The following AUTS2 variants were observed in gnomAD, a reference collection of about 807,000 sequenced individuals.
AUTS2 encodes activator of transcription and developmental regulator AUTS2.
A neutral mutation model predicts 112.4 loss-of-function variants in AUTS2; 17 were observed. That is an observed-to-expected ratio of 0.15 (90% CI 0.10 to 0.23). AUTS2 has a LOEUF of 0.23. Among genes scored for constraint, AUTS2 ranks in the 10% least tolerant of loss-of-function variants. The pLI is 1.00. For missense variants in AUTS2, 1,510 were observed against 1,701.6 expected, an observed-to-expected ratio of 0.89 and a Z score of 1.98; for synonymous variants, 751 against 702.7, an observed-to-expected ratio of 1.07 and a Z score of -1.09.
intron 2 of AUTS2, among the ~76,000 whole-genome samples, chr7:70,111,047 T>C (rs2129571370): frequency 6.6e-6 from 1 of 151,766 alleles, no homozygotes; most frequent in South Asian, 2.1e-4. Flanking sequence ...GCAATTTTTT[T>C]TTTTTGTATT....
chr7:69,965,164 A>G (rs770470968), intron 2 of AUTS2, among the ~76,000 whole-genome samples: 20 of 152,094 alleles, frequency 1.3e-4, no homozygotes, highest in Admixed American at 2.6e-4. Flanking sequence ...TGCTTTTTCT[A>G]TCCTTTTGGT....
rs934263703 is a variant in AUTS2 at position 69,750,203 on chromosome 7, T to C, written c.310-149083T>C. Among the ~76,000 whole-genome samples, 6 of 152,118 alleles carry C rather than the reference T, an allele frequency of 3.9e-5. No individual in the cohort carries two copies. The East Asian group carries it at 1.2e-3, about 29-fold the overall frequency. On this transcript the variant is annotated intron_variant, in intron 1 of 18. Transcript: ENST00000342771. ...GTTTCTGTCAGTGTGGTAGGTTGTG[T>C]ATTAGGAACTGGAAAAAGGCAAAAG...
At chr7:69,887,705 T>A (rs970115857) in intron 1 of AUTS2, among the ~76,000 whole-genome samples, 1 of 152,212 alleles carries the variant, frequency 6.6e-6, no homozygotes, top group Admixed American at 6.5e-5. Context: ...TCTGAATAGA[T>A]TTTCACTGGC....
In AUTS2 at chr7:69,778,240, ATATATATT is replaced by A. The variant is rs746402980; in HGVS notation, c.310-121044_310-121037del. Among the ~76,000 whole-genome samples the A allele has an allele frequency of 2.1e-4, 16 of 75,222 alleles. 1 individual carries two copies. The highest frequency in any genetic ancestry group is 0.013 in the Middle Eastern group (2 of 158). The allele number at this position is 75,222 out of a possible 152,430, so 49.3% of individuals were successfully genotyped here. ...GGGCCTTATCCCCATATATATATAT[ATATATATT>A]TTTTTTTTTTTTTACTCATTTGGTC... On this transcript the variant is annotated intron_variant, in intron 1 of 18. Coordinates refer to ENST00000342771, the MANE Select transcript of AUTS2 (RefSeq NM_015570.4).
chr7:69,919,542 A>G (rs1040773833), intron 2 of AUTS2, among the ~76,000 whole-genome samples: 2 of 152,232 alleles, frequency 1.3e-5, no homozygotes, highest in Non-Finnish European at 2.9e-5. Context: ...TTTGTATTGC[A>G]CAGGCTGTAT....
chr7:70,444,373 T>TGTGTGTGTGTGAGAGAGA (rs372696006), intron 5 of AUTS2, among the ~76,000 whole-genome samples: 118 of 142,494 alleles, frequency 8.3e-4, no homozygotes, highest in African/African-American at 2.9e-3. Flanking sequence ...TGTGTGTGTG[T>TGTGTGTGTGTGAGAGAGA]GAGAGAGAGA....
At chr7:70,073,940 A>G (rs1802906468) in intron 2 of AUTS2, among the ~76,000 whole-genome samples, 1 of 152,226 alleles carries the variant, frequency 6.6e-6, no homozygotes, top group Admixed American at 6.5e-5. Flanking sequence ...GAATTAAAAT[A>G]CTTATCTGTG....
intron 1 of AUTS2, among the ~76,000 whole-genome samples, chr7:69,677,713 G>A (rs895961528): frequency 6.6e-6 from 1 of 152,084 alleles, no homozygotes; most frequent in Non-Finnish European, 1.5e-5. Flanking sequence ...TGGAGACATC[G>A]CTCACATTGT....
At chr7:69,688,377 T>A (rs1389965230) in intron 1 of AUTS2, among the ~76,000 whole-genome samples, 1 of 152,254 alleles carries the variant, frequency 6.6e-6, no homozygotes, top group African/African-American at 2.4e-5. Flanking sequence ...AGATTCACAT[T>A]TATGATCTAG....
chr7:69,900,850 A>T (rs1054578655), intron 2 of AUTS2, among the ~76,000 whole-genome samples: 7 of 152,214 alleles, frequency 4.6e-5, no homozygotes, highest in Non-Finnish European at 1.0e-4. Flanking sequence ...GCCAGACTGG[A>T]GTTATAATAG....
intron 1 of AUTS2, among the ~76,000 whole-genome samples, chr7:69,688,041 C>T (rs549958538): frequency 6.6e-6 from 1 of 152,334 alleles, no homozygotes; most frequent in East Asian, 1.9e-4. Flanking sequence ...TGTTATTTAG[C>T]TGATAGCCTG....
intron 6 of AUTS2, among the ~76,000 whole-genome samples, chr7:70,747,372 G>A (rs940215297): frequency 5.9e-5 from 9 of 152,196 alleles, no homozygotes; most frequent in African/African-American, 2.2e-4. Flanking sequence ...CTGTATCCAA[G>A]GACAGGTAAA....
At chr7:69,750,422 GTAT>G (rs551677589) in intron 1 of AUTS2, among the ~76,000 whole-genome samples, 72 of 148,400 alleles carry the variant, frequency 4.9e-4, no homozygotes, top group African/African-American at 1.7e-3. Flanking sequence ...ATTATTAGTA[GTAT>G]TATATTAGTA....
intron 2 of AUTS2, among the ~76,000 whole-genome samples, chr7:69,920,375 C>A (rs1392385075): frequency 6.6e-6 from 1 of 151,852 alleles, no homozygotes; most frequent in Non-Finnish European, 1.5e-5. Context: ...GCAGTCTGAA[C>A]CTCCTGGCTC....
intron 2 of AUTS2, among the ~76,000 whole-genome samples, chr7:69,945,475 C>CA (rs1327885269): frequency 1.3e-5 from 2 of 151,952 alleles, no homozygotes; most frequent in East Asian, 1.9e-4. Context: ...GTATAATTGG[C>CA]AAAAAAGTAC....
At chr7:70,639,795 G>A (rs1271629397) in intron 5 of AUTS2, among the ~76,000 whole-genome samples, 2 of 151,652 alleles carry the variant, frequency 1.3e-5, no homozygotes, top group Admixed American at 6.6e-5. Flanking sequence ...CTATAAGGCC[G>A]AGTTCAGCAC....
At chr7:70,573,089 T>G (rs752639333) in intron 5 of AUTS2, among the ~76,000 whole-genome samples, 4 of 88,760 alleles carry the variant, frequency 4.5e-5, no homozygotes, top group South Asian at 5.8e-4. Context: ...TCCTCAAAAT[T>G]TATTATCTGG....
In AUTS2 at chr7:70,763,368, G is replaced by A. The variant is rs753813284; in HGVS notation, c.1214+27G>A. On this transcript the variant is annotated intron_variant, in intron 7 of 18. Transcript: ENST00000342771. ...TGAGTGGCCTGCTCTTCTTTGGCCT[G>A]ACTTTTGCCCTCTCCCTGGGGATCA... 5.3e-6 allele frequency: 8 copies of A among 1,507,314 alleles called. No individual in the cohort carries two copies. In the East Asian group the frequency reaches 6.8e-5, roughly 13 times the overall value. 93.4% of individuals were successfully genotyped at this position (1,507,314 alleles called of 1,614,324 possible).
At chr7:70,222,486 A>T (rs1811537509) in intron 4 of AUTS2, among the ~76,000 whole-genome samples, 1 of 152,230 alleles carries the variant, frequency 6.6e-6, no homozygotes, top group Non-Finnish European at 1.5e-5. Context: ...TATGATTAAA[A>T]TATTATGAAA....
Sources: allele counts gnomAD v4.1 joint callset (sites outside exome capture counted in the v4.1 genomes callset), GRCh38; gene constraint gnomAD v4.1.1; transcripts MANE v1.5; gene names NCBI Gene and HGNC (gene_info 2026-07-23, HGNC 2026-07-21).